Variants in EMC2 observed in about 807,000 individuals in gnomAD.
EMC2 encodes the protein ER membrane protein complex subunit 2.
EMC2 carries 37 observed loss-of-function variants against 51.6 expected under a neutral mutation model. The ratio of observed to expected loss-of-function variants is 0.72; its 90% confidence interval spans 0.55 to 0.94. The LOEUF is 0.94. Among genes scored for constraint, EMC2 ranks in the 40% least tolerant of loss-of-function variants. EMC2 has a pLI of 0.00. For synonymous variants in EMC2, 131 were observed against 112.4 expected (o/e 1.17, Z -1.04); for missense variants, 359 against 350.9 (o/e 1.02, Z -0.18).
chr8:108,469,716 CA>C (rs1810813162), intron 5 of EMC2, 109 bp from the exon 6 acceptor site: 4 of 854,960 alleles, frequency 4.7e-6, no homozygotes, highest in Non-Finnish European at 7.6e-6. Context: ...AGTAGTTCTA[CA>C]ATGGAATTTC....
intron 5 of EMC2, among the ~76,000 whole-genome samples, chr8:108,467,429 A>G (rs201286483): frequency 6.6e-6 from 1 of 150,834 alleles, no homozygotes; most frequent in Non-Finnish European, 1.5e-5. Flanking sequence ...GCTCACTGCA[A>G]CCTCCACCTC....
At chr8:108,446,791 A>G (rs989548290) in intron 1 of EMC2, among the ~76,000 whole-genome samples, 2 of 152,218 alleles carry the variant, frequency 1.3e-5, no homozygotes, top group Non-Finnish European at 2.9e-5. Context: ...AGGCATTTCT[A>G]AAAGTAGTAT....
intron 3 of EMC2, among the ~76,000 whole-genome samples, chr8:108,452,467 C>T (rs1365203832): frequency 1.3e-5 from 2 of 151,756 alleles, no homozygotes; most frequent in Admixed American, 6.6e-5. Context: ...CTTGGGAGGC[C>T]GAGGCAGGAG....
chr8:108,462,213 T>TGTGTGCGTGTGTGTGTG (rs1819343248), intron 5 of EMC2, among the ~76,000 whole-genome samples: 1 of 122,498 alleles, frequency 8.2e-6, no homozygotes, highest in African/African-American at 2.6e-5. Flanking sequence ...TGTGTGTGTT[T>TGTGTGCGTGTGTGTGTG]TGTGTGCGTG....
At chr8:108,463,076 T>G (rs867913436) in intron 5 of EMC2, among the ~76,000 whole-genome samples, 11 of 152,196 alleles carry the variant, frequency 7.2e-5, no homozygotes, top group Non-Finnish European at 5.9e-5. Context: ...TACCTCTGAG[T>G]TGATTCCTTA....
intron 10 of EMC2, among the ~76,000 whole-genome samples, chr8:108,485,963 G>T (rs1187082640): frequency 2.0e-5 from 3 of 151,460 alleles, no homozygotes; most frequent in Admixed American, 6.6e-5. Flanking sequence ...ACAGCTCTTT[G>T]CAGAACCATA....
intron 5 of EMC2, among the ~76,000 whole-genome samples, chr8:108,461,469 T>A (rs1462889177): frequency 6.6e-6 from 1 of 152,214 alleles, no homozygotes; most frequent in Non-Finnish European, 1.5e-5. Context: ...CTTTGATGAC[T>A]TGCTGCATGG....
At chr8:108,459,575 T>G (rs1801207356) in intron 5 of EMC2, among the ~76,000 whole-genome samples, 1 of 152,100 alleles carries the variant, frequency 6.6e-6, no homozygotes, top group African/African-American at 2.4e-5. Flanking sequence ...TTCACTATCA[T>G]GAGAACAGTG....
intron 5 of EMC2, among the ~76,000 whole-genome samples, chr8:108,461,933 C>T (rs113969572): frequency 2.9e-4 from 44 of 151,834 alleles, no homozygotes; most frequent in African/African-American, 1.0e-3. Context: ...CTCAGCCTCC[C>T]GGGTAGCTGG....
chr8:108,449,892 GAGA>G lies in EMC2; in HGVS notation c.115_117del (p.Glu39del). On this transcript the variant is annotated inframe_deletion, in exon 2 of 11. Transcript: ENST00000220853. Reference sequence around the variant, plus strand: ...AATAGTGAGCAAATTGTGGAAGTTGGAGAAGAATTAATTAATGAATATGCTTCT... The same window carrying G: ...AATAGTGAGCAAATTGTGGAAGTTGGAGAATTAATTAATGAATATGCTTCT... The G allele has an allele frequency of 1.3e-6, 2 of 1,595,910 alleles. No individual in the cohort carries two copies. Among genetic ancestry groups the G allele is most frequent in the East Asian group, 2.2e-5 (1 of 44,658 alleles).
At chr8:108,481,682 C>T (rs559718443) in intron 10 of EMC2, among the ~76,000 whole-genome samples, 4 of 151,952 alleles carry the variant, frequency 2.6e-5, no homozygotes, top group Non-Finnish European at 5.9e-5. Flanking sequence ...TAAATGTATC[C>T]AGGCTAATAA....
intron 1 of EMC2, among the ~76,000 whole-genome samples, chr8:108,444,203 C>G (rs1818822033): frequency 6.6e-6 from 1 of 152,188 alleles, no homozygotes; most frequent in African/African-American, 2.4e-5. Context: ...CTTCTTAAAC[C>G]CGGGTTTCCA....
In EMC2 at chr8:108,453,125, A is replaced by G. The variant is rs781657020; in HGVS notation, c.283A>G (p.Met95Val). ...GSHRVKRLTG[M>V]RFEAMERYDD... Reference sequence around the variant, plus strand: ...TCACAGAGTCAAGCGATTAACAGGCATGAGATTTGAAGCCATGGAAAGGTA... The same window carrying G: ...TCACAGAGTCAAGCGATTAACAGGCGTGAGATTTGAAGCCATGGAAAGGTA... The change falls in exon 4 of 11, where the codon ATG (methionine) becomes GTG (valine). Residue 95 changes from methionine (M) to valine (V), a missense_variant. Met to Val is a conservative substitution (Grantham distance 21). Coordinates refer to ENST00000220853, the MANE Select transcript of EMC2 (RefSeq NM_014673.5). 48 of 1,607,740 alleles carry G rather than the reference A, an allele frequency of 3.0e-5. No individual in the cohort carries two copies. The highest frequency in any genetic ancestry group is 1.6e-5 in the Non-Finnish European group (19 of 1,176,426).
intron 10 of EMC2, among the ~76,000 whole-genome samples, chr8:108,481,782 A>G (rs778917056): frequency 5.3e-5 from 8 of 152,048 alleles, no homozygotes; most frequent in Non-Finnish European, 1.2e-4. Context: ...TTATAACCCT[A>G]TAGTTTATGG....
chr8:108,485,521 T>C (rs898180780), intron 10 of EMC2, among the ~76,000 whole-genome samples: 9 of 126,706 alleles, frequency 7.1e-5, no homozygotes, highest in African/African-American at 2.8e-4. Context: ...TTAATATATA[T>C]ACATATATAT....
At chr8:108,469,767 T>C in intron 5 of EMC2, 59 bp from the exon 6 acceptor site, 2 of 1,421,874 alleles carry the variant, frequency 1.4e-6, no homozygotes, top group East Asian at 4.6e-5. Flanking sequence ...CAAATTACCT[T>C]CTTTACAAAA....
At chr8:108,478,358 A>G (rs1001690412) in intron 9 of EMC2, among the ~76,000 whole-genome samples, 3 of 152,080 alleles carry the variant, frequency 2.0e-5, no homozygotes, top group African/African-American at 7.2e-5. Flanking sequence ...CATTTTTAAA[A>G]AGGAGAGGGT....
Position 108,454,115 on chromosome 8 carries a change from T to G in EMC2, c.305+968T>G, listed in dbSNP as rs547710186. Reference sequence around the variant, plus strand: ...CTGTTGTATCTTTGTATTTAGAGGGTTTTGTGTAGACAGCATTTAGTTGGG... The same window carrying G: ...CTGTTGTATCTTTGTATTTAGAGGGGTTTGTGTAGACAGCATTTAGTTGGG... On this transcript the variant is annotated intron_variant, in intron 4 of 10. Coordinates refer to ENST00000220853, the MANE Select transcript of EMC2 (RefSeq NM_014673.5). 2.0e-5 allele frequency among the ~76,000 whole-genome samples: 3 copies of G among 152,176 alleles called. No individual in the cohort carries two copies. In the East Asian group the frequency reaches 5.8e-4, roughly 29 times the overall value.
At chr8:108,458,694 C>T (rs1027455951) in intron 5 of EMC2, among the ~76,000 whole-genome samples, 2 of 152,134 alleles carry the variant, frequency 1.3e-5, no homozygotes, top group African/African-American at 4.8e-5. Flanking sequence ...ATGAAACTAC[C>T]TTTTCCTCCT....
Sources: allele counts gnomAD v4.1 joint callset (sites outside exome capture counted in the v4.1 genomes callset), GRCh38; gene constraint gnomAD v4.1.1; transcripts MANE v1.5; gene names NCBI Gene and HGNC (gene_info 2026-07-23, HGNC 2026-07-21).